OR1F1: variants seen among roughly 807,000 people sequenced by gnomAD.
OR1F1 encodes olfactory receptor family 1 subfamily F member 1, also known as olfactory receptor 1F1.
For missense variants in OR1F1, 493 were observed against 376.3 expected, an observed-to-expected ratio of 1.31 and a Z score of -2.57; for synonymous variants, 184 against 156.7, an observed-to-expected ratio of 1.17 and a Z score of -1.30.
At chr16:3,196,600 C>G in the OR1F1 span, among the ~76,000 whole-genome samples, 1 of 151,858 alleles carries the variant, frequency 6.6e-6, no homozygotes. Context: ...GTTGCCCAGG[C>G]TGGTCTTGAA....
chr16:3,204,112 AG>A (rs1382235752), upstream of OR1F1: 1 of 657,668 alleles, frequency 1.5e-6, no homozygotes, highest in East Asian at 2.7e-5. Flanking sequence ...CAGCCCCAGC[AG>A]GGTTGACAAT....
At chr16:3,195,967 T>C in the OR1F1 span, among the ~76,000 whole-genome samples, 1 of 152,168 alleles carries the variant, frequency 6.6e-6, no homozygotes, top group Non-Finnish European at 1.5e-5. Context: ...GCCTGGGGCT[T>C]CCAGGACCCC....
chr16:3,194,163 G>C, the OR1F1 span, among the ~76,000 whole-genome samples: 2 of 152,244 alleles, frequency 1.3e-5, no homozygotes, highest in Admixed American at 1.3e-4. Context: ...TCTAGGATGA[G>C]AAGAGTGAAG....
At chr16:3,196,634 T>G in the OR1F1 span, among the ~76,000 whole-genome samples, 1 of 151,722 alleles carries the variant, frequency 6.6e-6, no homozygotes, top group Non-Finnish European at 1.5e-5. Context: ...GAGATCCCCC[T>G]GCGTTGGCCT....
the OR1F1 span, among the ~76,000 whole-genome samples, chr16:3,194,996 G>A: frequency 2.0e-5 from 3 of 152,180 alleles, no homozygotes; most frequent in Non-Finnish European, 4.4e-5. Context: ...CAGGATTTGG[G>A]GTCCAGCAAG....
chr16:3,189,256 G>T, the OR1F1 span, among the ~76,000 whole-genome samples: 2 of 152,234 alleles, frequency 1.3e-5, no homozygotes, highest in African/African-American at 4.8e-5. Context: ...TCCAAGGCGA[G>T]CTTGCAGTGA....
chr16:3,198,933 G>C, the OR1F1 span, among the ~76,000 whole-genome samples: 2 of 151,176 alleles, frequency 1.3e-5, no homozygotes, highest in Non-Finnish European at 2.9e-5. Context: ...CTCCAGCTTA[G>C]GTGACAGAGC....
chr16:3,201,258 C>T (rs1170018968), upstream of OR1F1, among the ~76,000 whole-genome samples: 1 of 152,126 alleles, frequency 6.6e-6, no homozygotes, highest in South Asian at 2.1e-4. Flanking sequence ...ACATTTTGGC[C>T]ATTGTGACTA....
At chr16:3,196,466 C>G in the OR1F1 span, among the ~76,000 whole-genome samples, 2 of 151,830 alleles carry the variant, frequency 1.3e-5, no homozygotes, top group African/African-American at 4.8e-5. Context: ...TCACTGCATC[C>G]TTGACCTCCC....
the OR1F1 span, among the ~76,000 whole-genome samples, chr16:3,191,982 C>G: frequency 1.4e-4 from 22 of 152,192 alleles, 1 homozygote; most frequent in African/African-American, 5.3e-4. Context: ...AAAGGGCCTG[C>G]TGCTGTGGCT....
At chr16:3,191,088 C>T in the OR1F1 span, 3 of 152,230 alleles carry the variant, frequency 2.0e-5, no homozygotes, top group African/African-American at 4.8e-5. Flanking sequence ...GAGCTTCAGA[C>T]ATTCTGTCTG....
chr16:3,190,806 A>G, the OR1F1 span, among the ~76,000 whole-genome samples: 3 of 152,094 alleles, frequency 2.0e-5, no homozygotes, highest in Non-Finnish European at 4.4e-5. Flanking sequence ...CAAGTCATCA[A>G]CAGTAGGCAA....
upstream of OR1F1, among the ~76,000 whole-genome samples, chr16:3,200,745 G>A (rs1958127501): frequency 1.3e-5 from 2 of 152,160 alleles, no homozygotes; most frequent in African/African-American, 2.4e-5. Context: ...TCAATTACAA[G>A]GTGAATGCTG....
downstream of OR1F1, among the ~76,000 whole-genome samples, chr16:3,206,349 T>A (rs1304230836): frequency 6.6e-6 from 1 of 152,210 alleles, no homozygotes; most frequent in African/African-American, 2.4e-5. Flanking sequence ...GGTTTTGATT[T>A]TGTCCTTTGC....
upstream of OR1F1, among the ~76,000 whole-genome samples, chr16:3,203,231 TA>T (rs141753601): frequency 1.5e-3 from 231 of 152,324 alleles, 1 homozygote; most frequent in African/African-American, 5.1e-3. Flanking sequence ...TCTCAGGGAA[TA>T]TGACCCTAGT....
At chr16:3,204,358 A>G in exon 1 of OR1F1, 1 of 1,613,910 alleles carries the variant, frequency 6.2e-7, no homozygotes, top group Non-Finnish European at 8.5e-7. Context: ...GTACCTGGCC[A>G]CTGTCCTGGG....
chr16:3,192,510 CTG>C, the OR1F1 span, among the ~76,000 whole-genome samples: 8 of 152,250 alleles, frequency 5.3e-5, no homozygotes, highest in African/African-American at 1.7e-4. Context: ...GCATGAGTGT[CTG>C]AGGTCCCGGA....
the OR1F1 span, among the ~76,000 whole-genome samples, chr16:3,191,664 T>A: frequency 6.6e-6 from 1 of 152,032 alleles, no homozygotes; most frequent in Non-Finnish European, 1.5e-5. Flanking sequence ...TGTGATGGTA[T>A]CCCCTCAATG....
upstream of OR1F1, among the ~76,000 whole-genome samples, chr16:3,201,657 A>G (rs1958137026): frequency 6.6e-6 from 1 of 152,212 alleles, no homozygotes; most frequent in South Asian, 2.1e-4. Context: ...TGGTTTGTTC[A>G]GGTTTGGACA....
Sources: allele counts gnomAD v4.1 joint callset (sites outside exome capture counted in the v4.1 genomes callset), GRCh38; gene constraint gnomAD v4.1.1; transcripts MANE v1.5; gene names NCBI Gene and HGNC (gene_info 2026-07-23, HGNC 2026-07-21).